Variants in RALGAPA2 observed in about 807,000 individuals in gnomAD.
RALGAPA2 encodes the protein Ral GTPase activating protein catalytic subunit alpha 2, also known as ral GTPase-activating protein subunit alpha-2.
Under a neutral mutation model 230.4 loss-of-function variants are expected in RALGAPA2, and 139 were observed. The ratio of observed to expected loss-of-function variants is 0.60; its 90% confidence interval spans 0.53 to 0.69. RALGAPA2 has a LOEUF of 0.69. RALGAPA2 is among the 30% of genes least tolerant of loss of function. The pLI is 0.00. For synonymous variants in RALGAPA2, 847 were observed against 837.8 expected (o/e 1.01, Z -0.19); for missense variants, 2,163 against 2,276.0 (o/e 0.95, Z 1.01).
chr20:20,560,484 T>C (rs1293037582), intron 23 of RALGAPA2, among the ~76,000 whole-genome samples: 2 of 152,314 alleles, frequency 1.3e-5, no homozygotes, highest in East Asian at 3.9e-4. Flanking sequence ...ACAATACCAC[T>C]TATTGTTATG....
chr20:20,610,278 C>T (rs2065939693), intron 14 of RALGAPA2, among the ~76,000 whole-genome samples: 1 of 152,208 alleles, frequency 6.6e-6, no homozygotes, highest in African/African-American at 2.4e-5. Flanking sequence ...CCCTTTCACA[C>T]TGTTCACTTT....
chr20:20,575,395 T>C (rs1352220759), intron 20 of RALGAPA2, among the ~76,000 whole-genome samples: 2 of 151,930 alleles, frequency 1.3e-5, no homozygotes, highest in Non-Finnish European at 2.9e-5. Context: ...GATATATGTA[T>C]GTTGAGTTTG....
chr20:20,531,620 C>T, intron 27 of RALGAPA2, 67 bp downstream of exon 27: 1 of 1,291,620 alleles, frequency 7.7e-7, no homozygotes, highest in Non-Finnish European at 1.1e-6. Context: ...GGGGCTAATT[C>T]AAACTCAAAC....
chr20:20,472,166 G>A (rs1329336653), intron 37 of RALGAPA2: 1 of 152,030 alleles, frequency 6.6e-6, no homozygotes, highest in African/African-American at 2.4e-5. Context: ...AATGTTTGAG[G>A]AAAAAATTTT....
chr20:20,522,877 T>G (rs1049494834), intron 30 of RALGAPA2, among the ~76,000 whole-genome samples: 6 of 152,244 alleles, frequency 3.9e-5, no homozygotes, highest in African/African-American at 1.2e-4. Context: ...TTGTGGCTAA[T>G]GCCGTTGGCC....
Position 20,526,082 on chromosome 20 carries a change from C to T in RALGAPA2, c.3693+170G>A, listed in dbSNP as rs186587823. Among the ~76,000 whole-genome samples, 14 of 152,252 alleles carry T rather than the reference C, an allele frequency of 9.2e-5. No individual in the cohort carries two copies. The East Asian group carries it at 2.5e-3, about 27-fold the overall frequency. ...TACTGCTGGCTTCTTTACATAGTGC[C>T]TGAAATCACAGCTGAGAAGAACCAG... On this transcript the variant is annotated intron_variant, in intron 28 of 39. Transcript: ENST00000202677.
At chr20:20,583,022 A>G in intron 20 of RALGAPA2, 28 bp downstream of exon 20, 1 of 1,604,146 alleles carries the variant, frequency 6.2e-7, no homozygotes. Context: ...TGTTTGCATT[A>G]GTGCCTCTTT....
At chr20:20,698,901 T>C (rs1452336184) in intron 1 of RALGAPA2, among the ~76,000 whole-genome samples, 1 of 152,102 alleles carries the variant, frequency 6.6e-6, no homozygotes, top group Non-Finnish European at 1.5e-5. Context: ...TACAGTCCTA[T>C]CAAAAATGGA....
chr20:20,581,838 A>AG (rs2064993007), intron 20 of RALGAPA2, among the ~76,000 whole-genome samples: 1 of 152,172 alleles, frequency 6.6e-6, no homozygotes. Flanking sequence ...TTAAAAAAAA[A>AG]AATCCATTTA....
chr20:20,688,487 G>C (rs1434159683), intron 1 of RALGAPA2, among the ~76,000 whole-genome samples: 1 of 152,154 alleles, frequency 6.6e-6, no homozygotes, highest in Non-Finnish European at 1.5e-5. Context: ...ACAAGCCCAG[G>C]TGGGGAAGGA....
intron 23 of RALGAPA2, among the ~76,000 whole-genome samples, chr20:20,568,089 G>A (rs968747274): frequency 6.6e-6 from 1 of 151,920 alleles, no homozygotes; most frequent in African/African-American, 2.4e-5. Flanking sequence ...GAAGCGTACT[G>A]GGAGACTCCT....
At chr20:20,439,319 C>T (rs1171536785) in intron 37 of RALGAPA2, among the ~76,000 whole-genome samples, 1 of 151,790 alleles carries the variant, frequency 6.6e-6, no homozygotes, top group Admixed American at 6.6e-5. Flanking sequence ...CTCAAGCGAT[C>T]CTCCCACCTC....
intron 31 of RALGAPA2, among the ~76,000 whole-genome samples, chr20:20,516,259 G>A (rs1374587842): frequency 6.6e-6 from 1 of 152,176 alleles, no homozygotes; most frequent in Non-Finnish European, 1.5e-5. Flanking sequence ...CACCCTGGTA[G>A]CTTAACACAA....
chr20:20,685,896 C>G (rs905155148), intron 1 of RALGAPA2, among the ~76,000 whole-genome samples: 1 of 152,150 alleles, frequency 6.6e-6, no homozygotes, highest in Non-Finnish European at 1.5e-5. Flanking sequence ...CACTGGCTTA[C>G]TACTATTACA....
intron 37 of RALGAPA2, among the ~76,000 whole-genome samples, chr20:20,465,149 TCACACACACA>T (rs74180992): frequency 0.012 from 1,352 of 109,232 alleles, 35 homozygotes; most frequent in African/African-American, 0.045. Flanking sequence ...CCGCAGGCCT[TCACACACACA>T]CACACACACA....
At chr20:20,650,003 T>C (rs2067342983) in intron 4 of RALGAPA2, among the ~76,000 whole-genome samples, 1 of 152,146 alleles carries the variant, frequency 6.6e-6, no homozygotes, top group South Asian at 2.1e-4. Context: ...GTAATAGAAA[T>C]TGACAAATAG....
At chr20:20,407,720 C>T (rs535783134) in intron 38 of RALGAPA2, among the ~76,000 whole-genome samples, 25 of 152,306 alleles carry the variant, frequency 1.6e-4, no homozygotes, top group African/African-American at 9.6e-5. Context: ...CTTAACATAA[C>T]GACTGTGTTG....
chr20:20,405,650 T>G (rs1382559970), intron 38 of RALGAPA2, among the ~76,000 whole-genome samples: 1 of 152,208 alleles, frequency 6.6e-6, no homozygotes, highest in African/African-American at 2.4e-5. Context: ...TAATTCCCTT[T>G]AAAACCCTCG....
At chr20:20,699,457 C>T (rs771708363) in intron 1 of RALGAPA2, among the ~76,000 whole-genome samples, 1 of 152,066 alleles carries the variant, frequency 6.6e-6, no homozygotes. Context: ...TCCATGGAAT[C>T]GAGAGAGAGT....
Sources: allele counts gnomAD v4.1 joint callset (sites outside exome capture counted in the v4.1 genomes callset), GRCh38; gene constraint gnomAD v4.1.1; transcripts MANE v1.5; gene names NCBI Gene and HGNC (gene_info 2026-07-23, HGNC 2026-07-21).